Variants in C3 observed in about 807,000 individuals in gnomAD.
C3 encodes C3 and PZP-like alpha-2-macroglobulin domain-containing protein 1.
A neutral mutation model predicts 207.9 loss-of-function variants in C3; 97 were observed. The ratio of observed to expected loss-of-function variants is 0.47; its 90% CI spans 0.40 to 0.55. C3 has a LOEUF of 0.55. Ranked by LOEUF, C3 falls within the 20% of genes least tolerant of loss-of-function variation. C3 has a pLI of 0.00. For synonymous variants in C3, 848 were observed against 857.6 expected (o/e 0.99, Z 0.20); for missense variants, 1,684 against 2,171.7 (o/e 0.78, Z 4.46).
chr19:6,707,395 C>A (rs1967804149), intron 16 of C3, 71 bp downstream of exon 16: 45 of 1,603,158 alleles, frequency 2.8e-5, no homozygotes, highest in Non-Finnish European at 3.7e-5. Context: ...CCCTCTCTGG[C>A]TCCTGCACGG....
chr19:6,712,155 T>G (rs1967934117), intron 11 of C3, 102 bp downstream of exon 11: 4,284 of 1,409,948 alleles, frequency 3.0e-3, no homozygotes, highest in Non-Finnish European at 3.9e-3. Context: ...TCTATGCAGA[T>G]GAGAATATCT....
chr19:6,716,864 G>A (rs1232959916), intron 4 of C3: 1 of 152,206 alleles, frequency 6.6e-6, no homozygotes, highest in African/African-American at 2.4e-5. Context: ...GTTACTCAGA[G>A]AGACCTCATT....
chr19:6,712,148 A>G (rs1202787561), intron 11 of C3, 109 bp downstream of exon 11: 12 of 1,390,602 alleles, frequency 8.6e-6, no homozygotes, highest in Non-Finnish European at 1.2e-5. Context: ...GAACCTCTCT[A>G]TGCAGATGAG....
intron 19 of C3, among the ~76,000 whole-genome samples, chr19:6,700,225 T>TTATATATGTAATATACAATATATAA (rs1568218691): frequency 3.8e-5 from 4 of 105,270 alleles, no homozygotes; most frequent in African/African-American, 1.0e-4. Context: ...TACATATATA[T>TTATATATGTAATATACAATATATAA]TATATATGTA....
At chr19:6,712,913 C>T (rs1291287061) in intron 9 of C3, among the ~76,000 whole-genome samples, 1 of 150,962 alleles carries the variant, frequency 6.6e-6, no homozygotes, top group Non-Finnish European at 1.5e-5. Context: ...TATACTGGCC[C>T]TGCCTCCCTC....
intron 2 of C3, 87 bp from the exon 3 acceptor site, chr19:6,718,499 T>A: frequency 6.7e-7 from 1 of 1,496,324 alleles, no homozygotes; most frequent in Non-Finnish European, 9.3e-7. Flanking sequence ...GGGTCCCTCC[T>A]TGCCTGCCCA....
chr19:6,702,037 A>C (rs1179173557), intron 19 of C3, 90 bp downstream of exon 19: 1 of 787,650 alleles, frequency 1.3e-6, no homozygotes, highest in African/African-American at 1.7e-5. Context: ...GCCAAGAAAC[A>C]TAGGGTTGAT....
chr19:6,701,534 T>C (rs529553164), intron 19 of C3, among the ~76,000 whole-genome samples: 1 of 152,334 alleles, frequency 6.6e-6, no homozygotes, highest in Non-Finnish European at 1.5e-5. Flanking sequence ...TTTTTATTTA[T>C]TTAGAGAAGG....
Position 6,678,066 on chromosome 19 carries a change from C to T in C3, c.4851-43G>A, listed in dbSNP as rs376167337. 5 of 1,613,550 alleles carry T rather than the reference C, an allele frequency of 3.1e-6. No individual in the cohort carries two copies. In the African/African-American group the frequency reaches 6.7e-5, roughly 22 times the overall value. On this transcript the variant is annotated intron_variant, in intron 40 of 40. Coordinates refer to ENST00000245907, the MANE Select transcript of C3 (RefSeq NM_000064.4). ...AGGTCAGGAAGGGGCGTGGTGTGGGCGTGGCGCAGGGGCGTGACAATGGTG... is the reference window on the plus strand; with the variant it reads ...AGGTCAGGAAGGGGCGTGGTGTGGGTGTGGCGCAGGGGCGTGACAATGGTG...
rs1229751615 is a variant in C3 at position 6,709,717 on chromosome 19, CA to C, written c.1811del (p.Val604GlyfsTer2). The C allele has an allele frequency of 1.9e-6, 3 of 1,613,682 alleles. No individual in the cohort carries two copies. The South Asian group carries it at 3.3e-5, about 18-fold the overall frequency. ...VLVAVDKGVFVLNKKNKLTQS... is the reference protein window; with the variant it reads ...VLVAVDKGVFXLNKKNKLTQS... ...GCGTCAGTTTGTTCTTCTTATTCAG[CA>C]CGAACACGCCCTTGTCCACGGCCAC... On this transcript the variant is annotated frameshift_variant, in exon 14 of 41. Coordinates refer to ENST00000245907, the MANE Select transcript of C3 (RefSeq NM_000064.4). LOFTEE classifies it high-confidence loss of function.
rs751581885 is a variant in C3 at position 6,718,451 on chromosome 19, G to A, written c.268-39C>T. The A allele has an allele frequency of 3.7e-6, 6 of 1,611,920 alleles. No homozygotes were observed. The South Asian group carries it at 4.4e-5, about 12-fold the overall frequency. On this transcript the variant is annotated intron_variant, in intron 2 of 40. Coordinates refer to ENST00000245907, the MANE Select transcript of C3 (RefSeq NM_000064.4). ...GGGCATTGTCAGGGGTCTGTTCCAA[G>A]GCCCCATGCCCACGGTCCAGCTTCC... is the stretch of plus-strand genomic sequence containing the variant.
chr19:6,713,537 G>A (rs371785386), intron 7 of C3, 28 bp from the exon 8 acceptor site: 3 of 1,533,586 alleles, frequency 2.0e-6, no homozygotes, highest in African/African-American at 2.7e-5. Context: ...AGGGCTTCAG[G>A]TCCATCCCTC....
chr19:6,691,294 C>A lies in C3; in HGVS notation c.3391-567G>T, dbSNP rs1331479380. On this transcript the variant is annotated intron_variant, in intron 26 of 40. Transcript: ENST00000245907. ...TCCCGAACTCCTGACCTCAGGTGAT[C>A]CACCTGCCTCGGCCTCCCACAGTGC... Among the ~76,000 whole-genome samples the A allele has an allele frequency of 3.3e-5, 5 of 152,110 alleles. No individual in the cohort carries two copies. The East Asian group carries it at 9.6e-4, about 29-fold the overall frequency.
At chr19:6,692,884 G>A (rs183237877) in intron 26 of C3, 40 bp downstream of exon 26, 3 of 1,607,930 alleles carry the variant, frequency 1.9e-6, no homozygotes, top group East Asian at 2.2e-5. Flanking sequence ...AGACTCAGGA[G>A]CCCCTCTCTT....
In C3 at chr19:6,697,528, G is replaced by C. The variant is rs1967565262; in HGVS notation, c.2612C>G (p.Ala871Gly). ...KVRVELLHNP[A>G]FCSLATTKRR... Reference sequence around the variant, plus strand: ...CTTGGTGGTGGCCAGGCTGCAGAAGGCTGGATTGTGGAGTAGTTCCACCCT... The same window carrying C: ...CTTGGTGGTGGCCAGGCTGCAGAAGCCTGGATTGTGGAGTAGTTCCACCCT... The change falls in exon 21 of 41, where the codon GCC becomes GGC. Residue 871 changes from alanine to glycine, a missense_variant. Transcript: ENST00000245907. The C allele has an allele frequency of 1.9e-6, 3 of 1,613,834 alleles. No homozygotes were observed. The highest frequency in any genetic ancestry group is 1.1e-5 in the South Asian group (1 of 91,036).
At chr19:6,686,005 C>T in intron 29 of C3, 119 bp downstream of exon 29, 1 of 1,020,188 alleles carries the variant, frequency 9.8e-7, no homozygotes, top group South Asian at 1.3e-5. Flanking sequence ...CCACTGCAAT[C>T]ACACTGGCTC....
At chr19:6,711,234 C>A in intron 11 of C3, 38 bp from the exon 12 acceptor site, 2 of 1,556,662 alleles carry the variant, frequency 1.3e-6, no homozygotes, top group Non-Finnish European at 1.8e-6. Flanking sequence ...GGTCGCCGCC[C>A]GAGGATACCC....
At position 6,678,355 on chromosome 19, in the gene C3, A is replaced by C; in HGVS notation, c.4714+17T>G. 6.2e-7 allele frequency: 1 copy of C among 1,614,170 alleles called. No homozygotes were observed. The highest frequency in any genetic ancestry group is 8.5e-7 in the Non-Finnish European group (1 of 1,180,002). ...AAGCCAGGGAAGAGCCACGGGAGGC[A>C]GCGTGCTGAGCCTGACCTGACTTGA... On this transcript the variant is annotated intron_variant, in intron 39 of 40. Transcript: ENST00000245907.
chr19:6,694,633 C>T lies in C3; in HGVS notation c.2952G>A (p.Gly984=). Residue 984 remains glycine (G), a splice_region_variant and synonymous_variant, in exon 24 of 41, where the codon GGG becomes GGA. Transcript: ENST00000245907. ...CCTCTGTCATCTGGGCCACTGGGGT[C>T]CCTGCAGCAGGTGGGAAGAGGACGT... ...TESETRILLQ[G]TPVAQMTEDA... The T allele has an allele frequency of 6.2e-7, 1 of 1,611,354 alleles. No homozygotes were observed. The highest frequency in any genetic ancestry group is 8.5e-7 in the Non-Finnish European group (1 of 1,179,556).
Sources: gnomAD v4.1 joint callset for allele counts (sites outside exome capture counted in the v4.1 genomes callset) on GRCh38, gnomAD v4.1.1 for gene constraint, MANE v1.5 for transcripts, NCBI Gene and HGNC (gene_info 2026-07-23, HGNC 2026-07-21) for gene names.